CFAP100: variants seen among roughly 807,000 people sequenced by gnomAD.
The protein encoded by CFAP100 is cilia and flagella associated protein 100.
A neutral mutation model predicts 81.5 loss-of-function variants in CFAP100; 70 were observed. That is an observed-to-expected ratio of 0.86 (90% CI 0.71 to 1.05). The LOEUF (loss-of-function observed/expected upper bound fraction) is 1.05, where lower values mean the gene tolerates loss of function less well. Ranked by LOEUF, CFAP100 falls within the 50% of genes least tolerant of loss-of-function variation. The pLI is 0.00. For synonymous variants in CFAP100, 341 were observed against 314.8 expected (o/e 1.08, Z -0.88); for missense variants, 811 against 776.5 (o/e 1.04, Z -0.53).
In CFAP100 at chr3:126,433,110, T is replaced by C. The variant is rs746455705; in HGVS notation, c.1328T>C (p.Met443Thr). 5 of 1,614,134 alleles carry C rather than the reference T, an allele frequency of 3.1e-6. No individual in the cohort carries two copies. The highest frequency in any genetic ancestry group is 3.4e-6 in the Non-Finnish European group (4 of 1,180,026). The change falls in exon 14 of 17, where the codon ATG becomes ACG. Residue 443 changes from methionine (M) to threonine (T), a missense_variant. Met to Thr is a moderately conservative substitution (Grantham distance 81, BLOSUM62 -1). Coordinates refer to ENST00000352312, the MANE Select transcript of CFAP100 (RefSeq NM_182628.3). Reference protein sequence around the residue: ...VNQLKQWVTTMMMSITKEEDT... With the variant: ...VNQLKQWVTTTMMSITKEEDT... The stretch of plus-strand genomic sequence containing the variant: ...CAGCTGAAGCAGTGGGTCACCACAA[T>C]GATGATGTCCATCACCAAGGAGGAG...
intron 2 of CFAP100, among the ~76,000 whole-genome samples, chr3:126,397,519 AT>A (rs2107579497): frequency 6.6e-6 from 1 of 152,306 alleles, no homozygotes; most frequent in Non-Finnish European, 1.5e-5. Context: ...AACTATATTG[AT>A]TTGTTTATTG....
intron 11 of CFAP100, among the ~76,000 whole-genome samples, chr3:126,422,296 G>C (rs911559177): frequency 6.6e-6 from 1 of 152,216 alleles, no homozygotes; most frequent in Non-Finnish European, 1.5e-5. Flanking sequence ...AATGGGCATC[G>C]GTGTGCAGTG....
chr3:126,431,712 A>G (rs1933237136), intron 13 of CFAP100, among the ~76,000 whole-genome samples: 1 of 149,372 alleles, frequency 6.7e-6, no homozygotes, highest in Non-Finnish European at 1.5e-5. Flanking sequence ...AAAATCTTCT[A>G]TCAATAAAAT....
At chr3:126,414,566 C>A (rs2083204918) in intron 4 of CFAP100, among the ~76,000 whole-genome samples, 1 of 152,220 alleles carries the variant, frequency 6.6e-6, no homozygotes, top group African/African-American at 2.4e-5. Flanking sequence ...CCACAGGCAC[C>A]CCCTGCTGCT....
intron 16 of CFAP100, among the ~76,000 whole-genome samples, chr3:126,436,079 A>G (rs1933432972): frequency 6.6e-6 from 1 of 152,194 alleles, no homozygotes; most frequent in African/African-American, 2.4e-5. Context: ...CACATCTAAT[A>G]GGTGGTGCTC....
At chr3:126,434,762 C>T (rs1278048211) in intron 15 of CFAP100, among the ~76,000 whole-genome samples, 2 of 152,108 alleles carry the variant, frequency 1.3e-5, no homozygotes, top group Non-Finnish European at 2.9e-5. Flanking sequence ...TTAGATTCTT[C>T]CCTCTGGGGC....
chr3:126,420,174 A>G lies in CFAP100; in HGVS notation c.1027A>G (p.Ser343Gly). The G allele has an allele frequency of 6.2e-7, 1 of 1,612,748 alleles. No homozygotes were observed. The highest frequency in any genetic ancestry group is 8.5e-7 in the Non-Finnish European group (1 of 1,179,988). ...MRLGRSPSYL[S>G]SPQQGSQPSE... The stretch of plus-strand genomic sequence containing the variant: ...GCTGGGGCGGAGCCCGTCTTACCTG[A>G]GCAGCCCCCAGCAAGGCAGCCAGCC... The change falls in exon 11 of 17, where the codon AGC (serine) becomes GGC (glycine). Residue 343 changes from serine to glycine, a missense_variant. By Grantham distance (56) the Ser-to-Gly change is moderately conservative. Coordinates refer to ENST00000352312, the MANE Select transcript of CFAP100 (RefSeq NM_182628.3).
chr3:126,414,189 C>T lies in CFAP100; in HGVS notation c.225+10C>T. ...GAATAAGGCTCTCTCCGTGAGTATC[C>T]AGGACAGACGCCAGCACCTCCGGGA... On this transcript the variant is annotated intron_variant, in intron 4 of 16. Coordinates refer to ENST00000352312, the MANE Select transcript of CFAP100 (RefSeq NM_182628.3). 6.2e-7 allele frequency: 1 copy of T among 1,601,258 alleles called. No homozygotes were observed.
At chr3:126,434,520 T>G in intron 15 of CFAP100, 139 bp downstream of exon 15, 1 of 811,316 alleles carries the variant, frequency 1.2e-6, no homozygotes, top group Non-Finnish European at 1.9e-6. Context: ...AAAGCCCATG[T>G]CTTGGGGGGA....
chr3:126,403,477 C>T (rs1380477433), intron 2 of CFAP100, among the ~76,000 whole-genome samples: 2 of 151,284 alleles, frequency 1.3e-5, no homozygotes, highest in African/African-American at 4.9e-5. Flanking sequence ...CTCCACCTCC[C>T]AGGTTCAAAT....
At chr3:126,415,818 G>A (rs974641357) in intron 4 of CFAP100, among the ~76,000 whole-genome samples, 26 of 152,174 alleles carry the variant, frequency 1.7e-4, no homozygotes, top group African/African-American at 6.3e-4. Context: ...TTTCTCCCAA[G>A]GGAGGGCTGG....
intron 4 of CFAP100, among the ~76,000 whole-genome samples, chr3:126,415,533 C>A (rs1367452834): frequency 2.0e-5 from 3 of 152,204 alleles, no homozygotes; most frequent in Non-Finnish European, 2.9e-5. Context: ...ATTTTCCTGA[C>A]TGCAGTGATG....
rs758651273 is a variant in CFAP100 at position 126,436,369 on chromosome 3, AAGG to A, written c.1813_1815del (p.Glu605del). ...ACAGTCTGAGCACACACTGATGGAC[AAGG>A]AGGAGGAGGAGCTGCTATTTTTCTT... On this transcript the variant is annotated inframe_deletion, in exon 17 of 17. Transcript: ENST00000352312. 32 of 1,613,532 alleles carry A rather than the reference AAGG, an allele frequency of 2.0e-5. No individual in the cohort carries two copies. The highest frequency in any genetic ancestry group is 4.0e-5 in the African/African-American group (3 of 74,918).
intron 3 of CFAP100, among the ~76,000 whole-genome samples, chr3:126,409,345 T>C (rs2083118977): frequency 6.6e-6 from 1 of 152,260 alleles, no homozygotes; most frequent in Non-Finnish European, 1.5e-5. Flanking sequence ...TCTGTGCATA[T>C]GCCAACCATT....
At chr3:126,418,240 C>G in intron 5 of CFAP100, 2 of 573,354 alleles carry the variant, frequency 3.5e-6, no homozygotes, top group South Asian at 4.0e-5. Flanking sequence ...CCCACGCGGC[C>G]GGACTCTGGC....
chr3:126,395,827 G>A lies in CFAP100; in HGVS notation c.-59-115G>A, dbSNP rs2082878981. Reference sequence around the variant, plus strand: ...CTCGGGTGGGAGAGGCAGGGAGCCGGCAGGTGTCCCCACAAGGTGAGCCCT... The same window carrying A: ...CTCGGGTGGGAGAGGCAGGGAGCCGACAGGTGTCCCCACAAGGTGAGCCCT... On this transcript the variant is annotated intron_variant, in intron 1 of 16. Coordinates refer to ENST00000352312, the MANE Select transcript of CFAP100 (RefSeq NM_182628.3). 4.5e-5 allele frequency: 27 copies of A among 606,146 alleles called. No individual in the cohort carries two copies. The South Asian group carries it at 5.0e-4, about 11-fold the overall frequency. 37.5% of individuals were successfully genotyped at this position (606,146 alleles called of 1,614,324 possible).
At chr3:126,421,741 G>A (rs66539947) in intron 11 of CFAP100, among the ~76,000 whole-genome samples, 34,590 of 152,232 alleles carry the variant, frequency 0.23, 4,120 homozygotes, top group East Asian at 0.36. Context: ...TGCTTCTCCA[G>A]TTGGAAGAGG....
intron 13 of CFAP100, among the ~76,000 whole-genome samples, chr3:126,432,076 C>T (rs1053937020): frequency 4.6e-5 from 7 of 151,862 alleles, no homozygotes; most frequent in African/African-American, 1.7e-4. Flanking sequence ...GTCAGGAGAT[C>T]GAGACCATCC....
At position 126,423,175 on chromosome 3, in the gene CFAP100, A is replaced by G. The variant is rs1000509803; in HGVS notation, c.1083-150A>G. 4.9e-6 allele frequency: 3 copies of G among 615,314 alleles called. No homozygotes were observed. The East Asian group carries it at 8.4e-5, about 17-fold the overall frequency. The allele number at this position is 615,314 out of a possible 1,614,324, so 38.1% of individuals were successfully genotyped here. ...AGTGTGGCAGCTGGGGACTGTGAGGAAGCTGGTGCTGCCCTCTGGGTAACT... is the reference window on the plus strand; with the variant it reads ...AGTGTGGCAGCTGGGGACTGTGAGGGAGCTGGTGCTGCCCTCTGGGTAACT... On this transcript the variant is annotated intron_variant, in intron 11 of 16. Coordinates refer to ENST00000352312, the MANE Select transcript of CFAP100 (RefSeq NM_182628.3).
Sources: gnomAD v4.1 joint callset for allele counts (sites outside exome capture counted in the v4.1 genomes callset) on GRCh38, gnomAD v4.1.1 for gene constraint, MANE v1.5 for transcripts, NCBI Gene and HGNC (gene_info 2026-07-23, HGNC 2026-07-21) for gene names.